CTNNB1: variants seen among roughly 807,000 people sequenced by gnomAD.
CTNNB1 encodes the protein catenin beta-1.
In CTNNB1, 6 loss-of-function variants were observed where a neutral mutation model predicts 82.5. The ratio of observed to expected loss-of-function variants is 0.07; its 90% confidence interval spans 0.04 to 0.14. The LOEUF (loss-of-function observed/expected upper bound fraction) is 0.14, where lower values mean the gene tolerates loss of function less well. Among genes scored for constraint, CTNNB1 ranks in the 10% least tolerant of loss-of-function variants. The pLI is 1.00. For missense variants in CTNNB1, 529 were observed against 980.4 expected, an observed-to-expected ratio of 0.54 and a Z score of 6.15; for synonymous variants, 312 against 329.7, an observed-to-expected ratio of 0.95 and a Z score of 0.58.
intron 1 of CTNNB1, among the ~76,000 whole-genome samples, chr3:41,217,163 T>C (rs2077933303): frequency 6.6e-6 from 1 of 152,192 alleles, no homozygotes; most frequent in Admixed American, 6.5e-5. Flanking sequence ...AGTTCATTCC[T>C]TACTTTTCAC....
chr3:41,228,690 T>G (rs2078234981), intron 7 of CTNNB1, among the ~76,000 whole-genome samples: 1 of 152,236 alleles, frequency 6.6e-6, no homozygotes, highest in Non-Finnish European at 1.5e-5. Flanking sequence ...GGTTGTCTGT[T>G]TACTCTGTTG....
chr3:41,211,439 A>G (rs977832163), intron 1 of CTNNB1, among the ~76,000 whole-genome samples: 8 of 152,162 alleles, frequency 5.3e-5, no homozygotes, highest in South Asian at 2.1e-4. Context: ...TGTTAGAAAG[A>G]GTATATCGTA....
intron 1 of CTNNB1, among the ~76,000 whole-genome samples, chr3:41,205,875 G>A (rs959897247): frequency 6.6e-6 from 1 of 152,104 alleles, no homozygotes; most frequent in Non-Finnish European, 1.5e-5. Context: ...TCCTAAAGGC[G>A]TCTCACCCCA....
Position 41,235,801 on chromosome 3 carries a change from A to C in CTNNB1, c.1761A>C (p.Arg587=). The change falls in exon 11 of 15, where the codon CGA becomes CGC. Residue 587 remains arginine (R), a synonymous_variant. Coordinates refer to ENST00000349496, the MANE Select transcript of CTNNB1 (RefSeq NM_001904.4). The stretch of plus-strand genomic sequence containing the variant: ...TCCTAGCTCGGGATGTTCACAACCG[A>C]ATTGTTATCAGAGGACTAAATACCA... ...LHILARDVHN[R]IVIRGLNTIP... The C allele has an allele frequency of 6.2e-7, 1 of 1,614,104 alleles. No homozygotes were observed. Among genetic ancestry groups the C allele is most frequent in the Non-Finnish European group, 8.5e-7 (1 of 1,179,974 alleles).
rs2125628534 is a variant in CTNNB1, at chr3:41,227,372, C to A, written c.1081+20C>A. 9 of 1,613,074 alleles carry A rather than the reference C, an allele frequency of 5.6e-6. No homozygotes were observed. The highest frequency in any genetic ancestry group is 5.9e-6 in the Non-Finnish European group (7 of 1,179,252). Reference sequence around the variant, plus strand: ...AAGCTGGTAAGTATATGTATCTATTCTGAGTCTTGTGTATAGCATCTGCAG... The same window carrying A: ...AAGCTGGTAAGTATATGTATCTATTATGAGTCTTGTGTATAGCATCTGCAG... On this transcript the variant is annotated intron_variant, in intron 7 of 14. Coordinates refer to ENST00000349496, the MANE Select transcript of CTNNB1 (RefSeq NM_001904.4).
At chr3:41,236,794 CACATTCATT>C in intron 13 of CTNNB1, 85 bp downstream of exon 13, 2 of 1,553,164 alleles carry the variant, frequency 1.3e-6, no homozygotes, top group Non-Finnish European at 8.9e-7. Context: ...ACACTTAGTA[CACATTCATT>C]TGCATTGATG....
rs1218631851 is a variant in CTNNB1, at chr3:41,239,727, G to GTATC, written c.*387_*390dup. 1.1e-5 allele frequency: 4 copies of GTATC among 365,772 alleles called. No homozygotes were observed. Among genetic ancestry groups the GTATC allele is most frequent in the East Asian group, 4.6e-5 (1 of 21,538 alleles). The allele number at this position is 365,772 out of a possible 1,614,324, so 22.7% of individuals were successfully genotyped here. A position where few individuals can be genotyped will look rare whatever the true frequency, so the allele number is the denominator to read the frequency against. ...CTGAGAGGGCTCGAGGGGTGGGCTG[G>GTATC]TATCTCAGAAAGTGCCTGACACACT... On this transcript the variant is annotated 3_prime_UTR_variant, in exon 15 of 15. Coordinates refer to ENST00000349496, the MANE Select transcript of CTNNB1 (RefSeq NM_001904.4).
At chr3:41,236,732 T>G (rs929578746) in intron 13 of CTNNB1, 23 bp downstream of exon 13, 2 of 1,613,934 alleles carry the variant, frequency 1.2e-6, no homozygotes, top group African/African-American at 2.7e-5. Flanking sequence ...GAGCAGTTAT[T>G]TATCTGGTAG....
At chr3:41,235,971 A>T in intron 11 of CTNNB1, 128 bp downstream of exon 11, 1 of 1,226,268 alleles carries the variant, frequency 8.2e-7, no homozygotes, top group Non-Finnish European at 1.2e-6. Context: ...AAAATTCCCT[A>T]CATTTTTTGG....
chr3:41,207,355 C>G (rs187929931), intron 1 of CTNNB1, among the ~76,000 whole-genome samples: 2 of 152,194 alleles, frequency 1.3e-5, no homozygotes, highest in African/African-American at 4.8e-5. Flanking sequence ...GCTAAAGGGC[C>G]TCAGGTTTTT....
At chr3:41,238,123 C>A (rs770519393) in intron 14 of CTNNB1, 47 bp downstream of exon 14, 4 of 1,548,938 alleles carry the variant, frequency 2.6e-6, no homozygotes, top group South Asian at 1.1e-5. Context: ...AGCTAAAGTT[C>A]TAAAACTTTT....
intron 1 of CTNNB1, among the ~76,000 whole-genome samples, chr3:41,218,579 A>G (rs2125606901): frequency 6.6e-6 from 1 of 152,298 alleles, no homozygotes; most frequent in East Asian, 1.9e-4. Flanking sequence ...GTTCAGCCTT[A>G]TCATACTATA....
In CTNNB1 at chr3:41,236,963, T is replaced by A. The variant is rs564610385; in HGVS notation, c.2076+254T>A. On this transcript the variant is annotated intron_variant, in intron 13 of 14. Coordinates refer to ENST00000349496, the MANE Select transcript of CTNNB1 (RefSeq NM_001904.4). ...ATTCATAAGGGAGAAAGATGAAAAA[T>A]GTTACCAGATTAAAGAAGATTTTTC... 653 of 589,840 alleles carry A rather than the reference T, an allele frequency of 1.1e-3. 1 individual carries two copies. The highest frequency in any genetic ancestry group is 1.8e-3 in the Non-Finnish European group (596 of 336,532). 36.5% of individuals were successfully genotyped at this position (589,840 alleles called of 1,614,324 possible).
chr3:41,233,317 C>G (rs2125637392), intron 7 of CTNNB1, 24 bp from the exon 8 acceptor site: 1 of 1,602,442 alleles, frequency 6.2e-7, no homozygotes, highest in Non-Finnish European at 8.6e-7. Flanking sequence ...TGACTAGGGC[C>G]TTATATCCTT....
chr3:41,234,260 G>A lies in CTNNB1; in HGVS notation c.1646G>A (p.Arg549His), dbSNP rs2125642089. The A allele has an allele frequency of 1.9e-6, 3 of 1,614,176 alleles. No individual in the cohort carries two copies. Among genetic ancestry groups the A allele is most frequent in the Non-Finnish European group, 2.5e-6 (3 of 1,180,038 alleles). ...GTTCGTGCACATCAGGATACCCAGC[G>A]CCGTACGTCCATGGGTGGGACACAG... ...LLVRAHQDTQ[R>H]RTSMGGTQQQ... Residue 549 changes from arginine to histidine, a missense_variant, in exon 10 of 15, where the codon CGC becomes CAC. Coordinates refer to ENST00000349496, the MANE Select transcript of CTNNB1 (RefSeq NM_001904.4).
intron 6 of CTNNB1, 24 bp from the exon 7 acceptor site, chr3:41,227,184 A>G: frequency 6.3e-7 from 1 of 1,583,050 alleles, no homozygotes; most frequent in South Asian, 1.1e-5. Context: ...TTGACTAACA[A>G]GATATATATA....
intron 13 of CTNNB1, 27 bp from the exon 14 acceptor site, chr3:41,237,989 T>C: frequency 6.2e-7 from 1 of 1,607,554 alleles, no homozygotes; most frequent in Non-Finnish European, 8.5e-7. Context: ...CTTTCTATTC[T>C]TCCTTGCTTT....
At chr3:41,237,784 T>C (rs1216602336) in intron 13 of CTNNB1, 1 of 536,306 alleles carries the variant, frequency 1.9e-6, no homozygotes, top group Non-Finnish European at 3.3e-6. Context: ...TAATATAATA[T>C]TTGTTGAAAG....
chr3:41,233,364 C>A lies in CTNNB1; in HGVS notation c.1105C>A (p.His369Asn). ...AGGTGGAATGCAAGCTTTAGGACTT[C>A]ACCTGACAGATCCAAGTCAACGTCT... ...EAGGMQALGL[H>N]LTDPSQRLVQ... is the part of the protein sequence containing the mutation. Residue 369 changes from histidine (H) to asparagine (N), a missense_variant, in exon 8 of 15, where the codon CAC becomes AAC. His to Asn is a moderately conservative substitution (Grantham distance 68). Around this residue, in one of 4 missense-constraint regions of CTNNB1, gnomAD observed 411 missense variants for 776.4 expected, o/e 0.53. Coordinates refer to ENST00000349496, the MANE Select transcript of CTNNB1 (RefSeq NM_001904.4). 6.2e-7 allele frequency: 1 copy of A among 1,614,200 alleles called. No homozygotes were observed. The highest frequency in any genetic ancestry group is 8.5e-7 in the Non-Finnish European group (1 of 1,180,028).
Sources: allele counts gnomAD v4.1 joint callset (sites outside exome capture counted in the v4.1 genomes callset), GRCh38; gene constraint gnomAD v4.1.1; regional missense constraint gnomAD v4.1.1; transcripts MANE v1.5; gene names NCBI Gene and HGNC (gene_info 2026-07-23, HGNC 2026-07-21).